TEX36: variants seen among roughly 807,000 people sequenced by gnomAD.
The protein encoded by TEX36 is testis-expressed protein 36.
Under a neutral mutation model 13.6 loss-of-function variants are expected in TEX36, and 12 were observed. The ratio of observed to expected loss-of-function variants is 0.88; its 90% CI spans 0.56 to 1.43. The LOEUF (loss-of-function observed/expected upper bound fraction) is 1.43, where lower values mean the gene tolerates loss of function less well. Among genes scored for constraint, TEX36 ranks in the 40% most tolerant of loss-of-function variants. The pLI, the probability that TEX36 is intolerant of heterozygous loss-of-function variation, is 0.00. For synonymous variants in TEX36, 93 were observed against 83.0 expected (o/e 1.12, Z -0.65); for missense variants, 224 against 228.3 (o/e 0.98, Z 0.12).
chr10:125,648,321 A>G (rs7080956), intron 3 of TEX36, among the ~76,000 whole-genome samples: 3,947 of 152,322 alleles, frequency 0.026, 179 homozygotes, highest in African/African-American at 0.089. Context: ...AGGAAGGATC[A>G]GGCAACAACA....
chr10:125,634,333 T>TC (rs1846597329), intron 3 of TEX36, among the ~76,000 whole-genome samples: 1 of 152,190 alleles, frequency 6.6e-6, no homozygotes, highest in East Asian at 1.9e-4. Flanking sequence ...CTCATTTACC[T>TC]CCACACATTT....
At chr10:125,682,608 A>G (rs1422850695) in intron 1 of TEX36, among the ~76,000 whole-genome samples, 1 of 152,216 alleles carries the variant, frequency 6.6e-6, no homozygotes, top group Non-Finnish European at 1.5e-5. Context: ...TAGCAAGGGG[A>G]GAAAAATAAC....
intron 3 of TEX36, among the ~76,000 whole-genome samples, chr10:125,632,562 GA>G (rs1230426564): frequency 6.6e-6 from 1 of 152,158 alleles, no homozygotes; most frequent in Non-Finnish European, 1.5e-5. Context: ...GTGTAACTCT[GA>G]GGACCACCTT....
intron 3 of TEX36, among the ~76,000 whole-genome samples, chr10:125,610,930 T>A (rs1846281237): frequency 6.6e-6 from 1 of 152,230 alleles, no homozygotes; most frequent in Non-Finnish European, 1.5e-5. Context: ...CATTGCCTCC[T>A]GACTGGTAGT....
chr10:125,601,145 C>A (rs1380712522), intron 3 of TEX36, among the ~76,000 whole-genome samples: 2 of 152,208 alleles, frequency 1.3e-5, no homozygotes, highest in African/African-American at 2.4e-5. Context: ...TGCCCACATC[C>A]TAATATTTTT....
chr10:125,655,824 AT>A lies in TEX36; in HGVS notation c.*75del, dbSNP rs2133589776. On this transcript the variant is annotated 3_prime_UTR_variant, in exon 4 of 4. Coordinates refer to ENST00000368821, the MANE Select transcript of TEX36 (RefSeq NM_001128202.3). ...TTTAAAAATTAAATAGTGGTGCTGGATCAGAAAACATATACTTTTAGGATGT... is the reference window on the plus strand; with the variant it reads ...TTTAAAAATTAAATAGTGGTGCTGGACAGAAAACATATACTTTTAGGATGT... The A allele has an allele frequency of 7.2e-7, 1 of 1,384,476 alleles. No individual in the cohort carries two copies. Among genetic ancestry groups the A allele is most frequent in the South Asian group, 1.9e-5 (1 of 52,566 alleles). The allele number at this position is 1,384,476 out of a possible 1,614,324, so 85.8% of individuals were successfully genotyped here.
downstream of TEX36, among the ~76,000 whole-genome samples, chr10:125,655,373 A>T (rs1846922200): frequency 6.6e-6 from 1 of 152,190 alleles, no homozygotes; most frequent in Admixed American, 6.5e-5. Context: ...TGAACCCAGA[A>T]GGCAGAGGTT....
chr10:125,576,756 G>A (rs1003297363), exon 4 of TEX36: 2 of 1,535,028 alleles, frequency 1.3e-6, no homozygotes, highest in African/African-American at 2.7e-5. Context: ...AGCTCACACT[G>A]CAAGGAGGGG....
Position 125,655,703 on chromosome 10 carries a change from C to A in TEX36, c.*197G>T. On this transcript the variant is annotated 3_prime_UTR_variant, in exon 4 of 4. Coordinates refer to ENST00000368821, the MANE Select transcript of TEX36 (RefSeq NM_001128202.3). ...TAAAACTCCCCAAAAGTAAATGTGG[C>A]CATCTGAAAAGTTTATTTACACATG... The A allele has an allele frequency of 1.6e-6, 2 of 1,255,138 alleles. No individual in the cohort carries two copies. Among genetic ancestry groups the A allele is most frequent in the Non-Finnish European group, 2.0e-6 (2 of 1,001,622 alleles). 77.8% of individuals were successfully genotyped at this position (1,255,138 alleles called of 1,614,324 possible).
Position 125,655,869 on chromosome 10 carries a change from TA to T in TEX36, c.*30del. 1 of 1,458,092 alleles carries T rather than the reference TA, an allele frequency of 6.9e-7. No homozygotes were observed. Among genetic ancestry groups the T allele is most frequent in the Non-Finnish European group, 9.1e-7 (1 of 1,100,894 alleles). 90.3% of individuals were successfully genotyped at this position (1,458,092 alleles called of 1,614,324 possible). On this transcript the variant is annotated 3_prime_UTR_variant, in exon 4 of 4. Transcript: ENST00000368821. ...AGGATGTCTGATGAAATACCAGTAT[TA>T]CAAAATTCATCAAAAATCTTCTGGG...
intron 1 of TEX36, chr10:125,667,136 A>G: frequency 1.4e-6 from 1 of 731,634 alleles, no homozygotes; most frequent in South Asian, 1.3e-5. Context: ...TGGCCTCCAG[A>G]CAGGAATGTG....
intron 3 of TEX36, among the ~76,000 whole-genome samples, chr10:125,583,972 T>C (rs1013511884): frequency 6.6e-6 from 1 of 152,148 alleles, no homozygotes; most frequent in African/African-American, 2.4e-5. Flanking sequence ...TGTGACTTGC[T>C]TTGAACAACA....
In TEX36 at chr10:125,669,849, G is replaced by A. The variant is rs1847194441; in HGVS notation, c.52-7872C>T. The stretch of plus-strand genomic sequence containing the variant: ...CATTTATAAGTGAGAACGTGATAGT[G>A]TTTGGTTTTCTGTTCCTGTCTTAGT... On this transcript the variant is annotated intron_variant, in intron 1 of 3. Transcript: ENST00000368821. Among the ~76,000 whole-genome samples, 6 of 152,204 alleles carry A rather than the reference G, an allele frequency of 3.9e-5. 1 individual carries two copies. In the South Asian group the frequency reaches 1.0e-3, roughly 26 times the overall value.
intron 3 of TEX36, among the ~76,000 whole-genome samples, chr10:125,598,554 C>T (rs1399865047): frequency 6.6e-6 from 1 of 152,214 alleles, no homozygotes; most frequent in Admixed American, 6.5e-5. Flanking sequence ...TGCCAATCAT[C>T]CATTGCCAAG....
chr10:125,650,813 A>G (rs1343930613), downstream of TEX36, among the ~76,000 whole-genome samples: 1 of 152,204 alleles, frequency 6.6e-6, no homozygotes, highest in Non-Finnish European at 1.5e-5. Flanking sequence ...GATCAAGGGG[A>G]TATCACCACC....
intron 3 of TEX36, among the ~76,000 whole-genome samples, chr10:125,602,182 G>C (rs888267265): frequency 6.6e-6 from 1 of 152,196 alleles, no homozygotes; most frequent in African/African-American, 2.4e-5. Flanking sequence ...GCTCAACTGT[G>C]ACTTAGTGAG....
intron 3 of TEX36, among the ~76,000 whole-genome samples, chr10:125,639,597 C>T (rs898529930): frequency 2.1e-5 from 1 of 47,866 alleles, no homozygotes; most frequent in Non-Finnish European, 4.3e-5. Context: ...GGGAATGGGG[C>T]AATGTGGGGG....
intron 3 of TEX36, among the ~76,000 whole-genome samples, chr10:125,641,273 G>A (rs776940040): frequency 8.5e-5 from 13 of 152,164 alleles, no homozygotes; most frequent in Non-Finnish European, 1.3e-4. Flanking sequence ...GAAGGCACAA[G>A]GCAACTTTTA....
chr10:125,600,372 G>A (rs1460456704), intron 3 of TEX36, among the ~76,000 whole-genome samples: 3 of 152,088 alleles, frequency 2.0e-5, no homozygotes, highest in Non-Finnish European at 2.9e-5. Context: ...GACTCAAAGA[G>A]AGGTGGAAAG....
Sources: allele counts gnomAD v4.1 joint callset (sites outside exome capture counted in the v4.1 genomes callset), GRCh38; gene constraint gnomAD v4.1.1; transcripts MANE v1.5; gene names NCBI Gene and HGNC (gene_info 2026-07-23, HGNC 2026-07-21).